Variants in EML6 observed in about 807,000 individuals in gnomAD.
EML6 encodes echinoderm microtubule-associated protein-like 6.
A neutral mutation model predicts 240.1 loss-of-function variants in EML6; 154 were observed. That is an observed-to-expected ratio of 0.64 (90% confidence interval 0.56 to 0.73). The LOEUF is 0.73. Among genes scored for constraint, EML6 ranks in the 30% least tolerant of loss-of-function variants. The pLI, the probability that EML6 is intolerant of heterozygous loss-of-function variation, is 0.00. For synonymous variants in EML6, 1,148 were observed against 899.0 expected, an observed-to-expected ratio of 1.28 and a Z score of -4.95; for missense variants, 2,964 against 2,474.6, an observed-to-expected ratio of 1.20 and a Z score of -4.20.
chr2:54,748,460 C>T (rs915882313), intron 2 of EML6: 1 of 152,060 alleles, frequency 6.6e-6, no homozygotes, highest in African/African-American at 2.4e-5. Flanking sequence ...CAGCACAAGG[C>T]CTAGTATAGG....
intron 6 of EML6, among the ~76,000 whole-genome samples, chr2:54,828,171 A>G (rs1668689670): frequency 6.6e-6 from 1 of 151,714 alleles, no homozygotes; most frequent in Non-Finnish European, 1.5e-5. Flanking sequence ...GTAGATAACG[A>G]TTGCTCTTGT....
intron 2 of EML6, among the ~76,000 whole-genome samples, chr2:54,729,365 C>T (rs1265380789): frequency 2.0e-5 from 3 of 152,190 alleles, no homozygotes; most frequent in Non-Finnish European, 4.4e-5. Flanking sequence ...TTAGGGCTAT[C>T]GTTTCATTCT....
rs191664338 is a variant in EML6 at position 54,850,192 on chromosome 2, G to T, written c.1418G>T (p.Gly473Val). ...TACTTACAAACTAATGACGGTGCAG[G>T]AGAACGATTGTTCTACAGAATGCCA... is the stretch of plus-strand genomic sequence containing the variant. ...SKYLQTNDGA[G>V]ERLFYRMPSG... is the part of the protein sequence containing the mutation. Residue 473 changes from glycine (G) to valine (V), a missense_variant, in exon 10 of 42, where the codon GGA becomes GTA. By Grantham distance (109) the Gly-to-Val change is moderately radical. Coordinates refer to ENST00000356458, the MANE Select transcript of EML6 (RefSeq NM_001039753.4). The T allele has an allele frequency of 1.9e-6, 3 of 1,551,714 alleles. No individual in the cohort carries two copies. In the Admixed American group the frequency reaches 5.9e-5, roughly 30 times the overall value.
intron 30 of EML6, among the ~76,000 whole-genome samples, chr2:54,951,669 G>A (rs541223251): frequency 1.3e-5 from 2 of 150,488 alleles, no homozygotes; most frequent in South Asian, 4.2e-4. Flanking sequence ...ATTTAAACAG[G>A]TTCACATTTT....
chr2:54,875,480 G>A (rs10164992), intron 16 of EML6, among the ~76,000 whole-genome samples: 29,069 of 152,134 alleles, frequency 0.19, 3,234 homozygotes, highest in African/African-American at 0.3. Context: ...GGGGTTTTAT[G>A]GACACCTACT....
intron 13 of EML6, 120 bp from the exon 14 acceptor site, chr2:54,866,646 C>T (rs1670984811): frequency 7.6e-6 from 4 of 528,950 alleles, no homozygotes; most frequent in African/African-American, 1.9e-5. Flanking sequence ...ATTCTCATGT[C>T]TTAAGTTTTC....
intron 17 of EML6, among the ~76,000 whole-genome samples, chr2:54,889,499 A>G (rs1175542740): frequency 7.9e-6 from 1 of 125,904 alleles, no homozygotes; most frequent in Non-Finnish European, 1.8e-5. Flanking sequence ...TTCTCTCTTC[A>G]CTTTTATGTT....
rs1673851431 is a variant in EML6 at position 54,915,252 on chromosome 2, G to GTGTTGGGGTGTC, written c.3499-1504_3499-1493dup. Among the ~76,000 whole-genome samples the GTGTTGGGGTGTC allele has an allele frequency of 2.6e-5, 4 of 152,174 alleles. No individual in the cohort carries two copies. The South Asian group carries it at 6.2e-4, about 24-fold the overall frequency. On this transcript the variant is annotated intron_variant, in intron 25 of 41. Coordinates refer to ENST00000356458, the MANE Select transcript of EML6 (RefSeq NM_001039753.4). ...GTGCCCTGATCTGGCCAACAGTGTT[G>GTGTTGGGGTGTC]TGTTGGGGTGTCTGCCAGGGGAGCA...
At position 54,867,085 on chromosome 2, in the gene EML6, G is replaced by A. The variant is rs1158680710; in HGVS notation, c.2051+201G>A. On this transcript the variant is annotated intron_variant, in intron 14 of 41. Transcript: ENST00000356458. Reference sequence around the variant, plus strand: ...CCACTTCCCTCGTTGATGTTCTGTGGCCATCACAGTGTGATTGTCTCTAGA... The same window carrying A: ...CCACTTCCCTCGTTGATGTTCTGTGACCATCACAGTGTGATTGTCTCTAGA... The A allele has an allele frequency of 7.2e-6, 3 of 414,466 alleles. No individual in the cohort carries two copies. In the East Asian group the frequency reaches 1.1e-4, roughly 15 times the overall value. 25.7% of individuals were successfully genotyped at this position (414,466 alleles called of 1,614,324 possible). A position where few individuals can be genotyped will look rare whatever the true frequency, so the allele number is the denominator to read the frequency against.
intron 16 of EML6, among the ~76,000 whole-genome samples, chr2:54,873,216 C>T (rs971236331): frequency 6.6e-6 from 1 of 152,212 alleles, no homozygotes; most frequent in Non-Finnish European, 1.5e-5. Flanking sequence ...TTCTAACAGG[C>T]ATGTTCTCAC....
Position 54,960,266 on chromosome 2 carries a change from C to T in EML6, c.4900C>T (p.Arg1634Cys), listed in dbSNP as rs1458405649. Residue 1634 changes from arginine to cysteine, a missense_variant, in exon 35 of 42, where the codon CGC (arginine) becomes TGC (cysteine). Transcript: ENST00000356458. The stretch of plus-strand genomic sequence containing the variant: ...AAAATTGTGGGACCAGGAGATGAAG[C>T]GCTGCCGGGCCTTTCAGCTGGAGAC... Reference protein sequence around the residue: ...AVKLWDQEMKRCRAFQLETGQ... With the variant: ...AVKLWDQEMKCCRAFQLETGQ... The T allele has an allele frequency of 3.2e-6, 5 of 1,551,392 alleles. No homozygotes were observed. The highest frequency in any genetic ancestry group is 2.7e-5 in the African/African-American group (2 of 73,030).
intron 28 of EML6, among the ~76,000 whole-genome samples, chr2:54,945,936 G>C (rs1000064081): frequency 6.6e-6 from 1 of 152,140 alleles, no homozygotes; most frequent in Admixed American, 6.5e-5. Flanking sequence ...GTTTCCACAG[G>C]GGGTACAGGG....
At chr2:54,768,442 T>C (rs1668279627) in intron 2 of EML6, among the ~76,000 whole-genome samples, 2 of 152,356 alleles carry the variant, frequency 1.3e-5, no homozygotes, top group African/African-American at 2.4e-5. Context: ...AATTCTGAAT[T>C]GGCTCTTTTG....
At chr2:54,883,440 G>A (rs1472911080) in intron 17 of EML6, among the ~76,000 whole-genome samples, 1 of 152,120 alleles carries the variant, frequency 6.6e-6, no homozygotes, top group African/African-American at 2.4e-5. Context: ...CACAGAAAGG[G>A]AGAACAAAAT....
At chr2:54,804,890 G>A (rs2103993161) in intron 2 of EML6, among the ~76,000 whole-genome samples, 1 of 152,178 alleles carries the variant, frequency 6.6e-6, no homozygotes, top group East Asian at 1.9e-4. Flanking sequence ...ATGTAGCTTA[G>A]GTATACCATT....
In EML6 at chr2:54,793,652, T is replaced by A. The variant is rs144913865; in HGVS notation, c.198-19580T>A. Reference sequence around the variant, plus strand: ...TTCCTTAGCAACAGTACCCCAGTTCTTTTCAGGAAAGCAATGTCCCTGTAG... The same window carrying A: ...TTCCTTAGCAACAGTACCCCAGTTCATTTCAGGAAAGCAATGTCCCTGTAG... On this transcript the variant is annotated intron_variant, in intron 2 of 41. Transcript: ENST00000356458. 1.2e-4 allele frequency among the ~76,000 whole-genome samples: 19 copies of A among 152,242 alleles called. No individual in the cohort carries two copies. The East Asian group carries it at 3.7e-3, about 29-fold the overall frequency.
chr2:54,807,605 G>A (rs1670566629), intron 2 of EML6, among the ~76,000 whole-genome samples: 1 of 152,112 alleles, frequency 6.6e-6, no homozygotes, highest in African/African-American at 2.4e-5. Context: ...GAAGAGGTGT[G>A]GAGTAACACA....
intron 12 of EML6, among the ~76,000 whole-genome samples, chr2:54,863,447 G>A (rs61190668): frequency 0.039 from 5,983 of 152,180 alleles, 410 homozygotes; most frequent in African/African-American, 0.13. Flanking sequence ...CTTGAGCCCC[G>A]GAGGAGGAGG....
rs549439127 is a variant in EML6 at position 54,941,452 on chromosome 2, C to A, written c.4005-7430C>A. On this transcript the variant is annotated intron_variant, in intron 28 of 41. Transcript: ENST00000356458. The stretch of plus-strand genomic sequence containing the variant: ...CTCCCAGCTCCTTCCTCAGCGTAGC[C>A]GGACAGAGGCCCTTTGTTGTCATTG... Among the ~76,000 whole-genome samples, 5 of 152,300 alleles carry A rather than the reference C, an allele frequency of 3.3e-5. No homozygotes were observed. In the East Asian group the frequency reaches 9.6e-4, roughly 29 times the overall value.
Sources: gnomAD v4.1 joint callset for allele counts (sites outside exome capture counted in the v4.1 genomes callset) on GRCh38, gnomAD v4.1.1 for gene constraint, MANE v1.5 for transcripts, NCBI Gene and HGNC (gene_info 2026-07-23, HGNC 2026-07-21) for gene names.